Variants in ROBO2 observed in about 807,000 individuals in gnomAD.
The protein encoded by ROBO2 is roundabout guidance receptor 2.
A neutral mutation model predicts 160.8 loss-of-function variants in ROBO2; 53 were observed. The observed-to-expected ratio is 0.33, with a 90% CI of 0.26 to 0.41. ROBO2 has a LOEUF of 0.41. Ranked by LOEUF, ROBO2 falls within the 10% of genes least tolerant of loss-of-function variation. The probability of loss-of-function intolerance (pLI) is 1.00; values close to 1 mark genes in which losing one functional copy is unlikely to be tolerated. For missense variants in ROBO2, 1,577 were observed against 1,722.4 expected (o/e 0.92, Z 1.49); for synonymous variants, 664 against 611.7 (o/e 1.09, Z -1.26).
chr3:76,565,630 A>T (rs991301358), intron 2 of ROBO2, among the ~76,000 whole-genome samples: 1 of 152,226 alleles, frequency 6.6e-6, no homozygotes, highest in Non-Finnish European at 1.5e-5. Flanking sequence ...GAGATACAAC[A>T]ACTATCTCAT....
chr3:76,555,415 A>G (rs1258749646), intron 2 of ROBO2, among the ~76,000 whole-genome samples: 51 of 62,720 alleles, frequency 8.1e-4, no homozygotes, highest in African/African-American at 1.5e-3. Flanking sequence ...GAAGAAGAAG[A>G]AGAAAGAAGG....
chr3:77,590,519 C>T (rs189032606), intron 17 of ROBO2, among the ~76,000 whole-genome samples: 7 of 152,246 alleles, frequency 4.6e-5, no homozygotes, highest in Admixed American at 4.6e-4. Flanking sequence ...TATTACATCT[C>T]TGTGATACAC....
At chr3:76,692,419 G>C (rs573161038) in intron 2 of ROBO2, among the ~76,000 whole-genome samples, 1 of 152,214 alleles carries the variant, frequency 6.6e-6, no homozygotes, top group Admixed American at 6.5e-5. Context: ...CAAAATCGCT[G>C]ACTCCCAAGG....
At chr3:76,397,169 C>G (rs1013377065) in intron 2 of ROBO2, among the ~76,000 whole-genome samples, 8 of 151,868 alleles carry the variant, frequency 5.3e-5, no homozygotes, top group African/African-American at 1.4e-4. Flanking sequence ...AAGTAACGCC[C>G]CATATCTACA....
intron 2 of ROBO2, among the ~76,000 whole-genome samples, chr3:76,243,271 G>T (rs930768998): frequency 6.6e-6 from 1 of 151,610 alleles, no homozygotes; most frequent in African/African-American, 2.4e-5. Flanking sequence ...GAGCACTGCC[G>T]GTCCTTCTAT....
chr3:77,332,940 G>A (rs1677584034), intron 2 of ROBO2, among the ~76,000 whole-genome samples: 1 of 152,112 alleles, frequency 6.6e-6, no homozygotes. Context: ...TAGAAAACCC[G>A]GATGCGCTTC....
At chr3:77,166,002 T>C (rs1336936882) in intron 2 of ROBO2, among the ~76,000 whole-genome samples, 2 of 152,260 alleles carry the variant, frequency 1.3e-5, no homozygotes, top group African/African-American at 4.8e-5. Context: ...CACGTACCAT[T>C]TGAGTGTGTT....
intron 1 of ROBO2, among the ~76,000 whole-genome samples, chr3:77,047,559 G>T (rs1458156451): frequency 6.6e-6 from 1 of 151,614 alleles, no homozygotes; most frequent in Non-Finnish European, 1.5e-5. Flanking sequence ...CATGGTGGCA[G>T]GTGCCTGTAA....
Position 77,297,930 on chromosome 3 carries a change from TAGAA to T in ROBO2, c.389-179480_389-179477del, listed in dbSNP as rs1477662256. ...GCATGCTAACAGAGGTCAGAAAGAGTAGAAAGAGTCGTTGGACATGGGCCAAGAA... is the reference window on the plus strand; with the variant it reads ...GCATGCTAACAGAGGTCAGAAAGAGTAGAGTCGTTGGACATGGGCCAAGAA... On this transcript the variant is annotated intron_variant, in intron 2 of 25. Coordinates refer to ENST00000461745, the Ensembl canonical transcript of ROBO2. 5.3e-5 allele frequency among the ~76,000 whole-genome samples: 8 copies of T among 151,342 alleles called. No homozygotes were observed. The East Asian group carries it at 1.6e-3, about 30-fold the overall frequency.
At chr3:77,561,017 C>G (rs2093304793) in intron 9 of ROBO2, among the ~76,000 whole-genome samples, 1 of 152,106 alleles carries the variant, frequency 6.6e-6, no homozygotes, top group Non-Finnish European at 1.5e-5. Context: ...ATGGCTCTTT[C>G]TACAATGGCT....
chr3:76,700,317 C>G (rs1030901182), intron 2 of ROBO2, among the ~76,000 whole-genome samples: 1 of 152,100 alleles, frequency 6.6e-6, no homozygotes, highest in Non-Finnish European at 1.5e-5. Context: ...AAATATCCTT[C>G]CCAAAGAGCG....
chr3:76,504,258 T>C (rs1358138527), intron 2 of ROBO2, among the ~76,000 whole-genome samples: 1 of 152,202 alleles, frequency 6.6e-6, no homozygotes, highest in Admixed American at 6.5e-5. Context: ...AGTTGTACAC[T>C]TTCATGAGTG....
At chr3:76,637,857 A>T (rs2090425709) in intron 2 of ROBO2, among the ~76,000 whole-genome samples, 1 of 152,192 alleles carries the variant, frequency 6.6e-6, no homozygotes, top group African/African-American at 2.4e-5. Flanking sequence ...ATGATTTGTG[A>T]TCCAGCAGAT....
intron 2 of ROBO2, among the ~76,000 whole-genome samples, chr3:76,023,231 C>T (rs769731288): frequency 1.3e-5 from 2 of 151,610 alleles, no homozygotes; most frequent in African/African-American, 4.8e-5. Flanking sequence ...CATTCTTTAT[C>T]GTTCATTTGT....
At chr3:76,787,544 G>A (rs1000818658) in intron 2 of ROBO2, among the ~76,000 whole-genome samples, 2 of 151,260 alleles carry the variant, frequency 1.3e-5, no homozygotes, top group African/African-American at 2.4e-5. Flanking sequence ...ATGCTAAAGG[G>A]AATGTGACTT....
intron 2 of ROBO2, among the ~76,000 whole-genome samples, chr3:77,023,246 C>T (rs1248633029): frequency 6.6e-6 from 1 of 152,162 alleles, no homozygotes; most frequent in Non-Finnish European, 1.5e-5. Flanking sequence ...TCTCTTGCTG[C>T]CACCATGTAA....
At chr3:76,046,940 A>G (rs888518463) in intron 2 of ROBO2, among the ~76,000 whole-genome samples, 7 of 152,114 alleles carry the variant, frequency 4.6e-5, no homozygotes, top group Non-Finnish European at 8.8e-5. Flanking sequence ...TTGTTCATTG[A>G]CCACATTTCT....
At chr3:76,090,101 G>A (rs1326874233) in intron 2 of ROBO2, among the ~76,000 whole-genome samples, 1 of 152,066 alleles carries the variant, frequency 6.6e-6, no homozygotes, top group Non-Finnish European at 1.5e-5. Context: ...GATATACTTA[G>A]GTATAAATCT....
intron 2 of ROBO2, among the ~76,000 whole-genome samples, chr3:77,339,434 T>TG (rs2066833224): frequency 2.6e-5 from 4 of 152,210 alleles, no homozygotes; most frequent in Admixed American, 1.3e-4. Context: ...TTTTCAGACT[T>TG]GAAGTTCAGC....
Sources: allele counts gnomAD v4.1 joint callset (sites outside exome capture counted in the v4.1 genomes callset), GRCh38; gene constraint gnomAD v4.1.1; transcripts MANE v1.5; gene names NCBI Gene and HGNC (gene_info 2026-07-23, HGNC 2026-07-21).